RAD23B: variants seen among roughly 807,000 people sequenced by gnomAD.
The protein encoded by RAD23B is RAD23 nucleotide excision repair protein B.
In RAD23B, 5 loss-of-function variants were observed where a neutral mutation model predicts 49.1. The ratio of observed to expected loss-of-function variants is 0.10; its 90% confidence interval spans 0.05 to 0.21. The LOEUF (loss-of-function observed/expected upper bound fraction) is 0.21, where lower values mean the gene tolerates loss of function less well. Ranked by LOEUF, RAD23B falls within the 10% of genes least tolerant of loss-of-function variation. The pLI is 1.00. For missense variants in RAD23B, 356 were observed against 486.7 expected (o/e 0.73, Z 2.53); for synonymous variants, 184 against 165.4 (o/e 1.11, Z -0.86).
chr9:107,287,358 A>C (rs1186639103), intron 1 of RAD23B, among the ~76,000 whole-genome samples: 1 of 152,242 alleles, frequency 6.6e-6, no homozygotes, highest in Non-Finnish European at 1.5e-5. Flanking sequence ...ACTAAAAACA[A>C]AACTCAGTAA....
chr9:107,295,158 A>G (rs185517416), intron 1 of RAD23B, among the ~76,000 whole-genome samples: 2 of 152,136 alleles, frequency 1.3e-5, no homozygotes, highest in African/African-American at 4.8e-5. Context: ...TCAGCACAGT[A>G]TTGCTCTCTT....
chr9:107,289,206 A>G (rs1056834048), intron 1 of RAD23B, among the ~76,000 whole-genome samples: 1 of 148,626 alleles, frequency 6.7e-6, no homozygotes, highest in Non-Finnish European at 1.5e-5. Context: ...TCCTTTTTCA[A>G]CAAGGTCTTG....
intron 9 of RAD23B, among the ~76,000 whole-genome samples, 177 bp from the exon 10 acceptor site, chr9:107,329,366 A>G (rs1325727694): frequency 6.6e-6 from 1 of 152,218 alleles, no homozygotes; most frequent in East Asian, 1.9e-4. Context: ...GTTGGGCAGT[A>G]AATCCATATT....
In RAD23B at chr9:107,331,905, A is replaced by G. The variant is rs751163030; in HGVS notation, c.*2249A>G. ...AGGCTTTTTGTGCCTTTTGCTGTTA[A>G]TGTTTAATTTACAAACTGTTTTGGT... On this transcript the variant is annotated 3_prime_UTR_variant, in exon 10 of 10. Coordinates refer to ENST00000358015, the MANE Select transcript of RAD23B (RefSeq NM_002874.5). 7 of 485,694 alleles carry G rather than the reference A, an allele frequency of 1.4e-5. No homozygotes were observed. Among genetic ancestry groups the G allele is most frequent in the Non-Finnish European group, 2.6e-5 (7 of 273,618 alleles). 30.1% of individuals were successfully genotyped at this position (485,694 alleles called of 1,614,324 possible). A position where few individuals can be genotyped will look rare whatever the true frequency, so the allele number is the denominator to read the frequency against.
At chr9:107,312,084 A>G (rs1057445622) in intron 5 of RAD23B, among the ~76,000 whole-genome samples, 1 of 152,216 alleles carries the variant, frequency 6.6e-6, no homozygotes, top group Non-Finnish European at 1.5e-5. Flanking sequence ...GATCTGCCTC[A>G]CACTTCATGT....
At chr9:107,312,810 C>G (rs1366850405) in intron 5 of RAD23B, among the ~76,000 whole-genome samples, 1 of 151,970 alleles carries the variant, frequency 6.6e-6, no homozygotes, top group South Asian at 2.1e-4. Context: ...TCGGCTCCAG[C>G]TGGAGCCAGC....
intron 1 of RAD23B, among the ~76,000 whole-genome samples, chr9:107,299,231 TAAA>T: frequency 6.6e-6 from 1 of 152,336 alleles, no homozygotes; most frequent in South Asian, 2.1e-4. Context: ...CCTTTCTGTC[TAAA>T]ACTCAAGAGA....
At chr9:107,306,045 T>TTATA (rs1374828264) in intron 3 of RAD23B, among the ~76,000 whole-genome samples, 347 of 26,752 alleles carry the variant, frequency 0.013, 8 homozygotes, top group African/African-American at 0.042. Flanking sequence ...ATGATACGGT[T>TTATA]TATATCTATA....
rs200743418 is a variant in RAD23B, at chr9:107,325,048, C to T, written c.1116+44C>T. ...TTAAAAAAATTAGTTCTTGGCTGGG[C>T]TCATGCCTGTAATTCCAGCACTTTG... On this transcript the variant is annotated intron_variant, in intron 9 of 9. Transcript: ENST00000358015. 4.8e-5 allele frequency: 75 copies of T among 1,557,224 alleles called. No individual in the cohort carries two copies. In the East Asian group the frequency reaches 1.1e-3, roughly 23 times the overall value.
chr9:107,303,142 C>T (rs1476926476), intron 3 of RAD23B, among the ~76,000 whole-genome samples: 2 of 152,018 alleles, frequency 1.3e-5, no homozygotes, highest in East Asian at 1.9e-4. Context: ...AGAAGTGGTA[C>T]TCATGACATT....
At chr9:107,291,755 C>T (rs891841375) in intron 1 of RAD23B, among the ~76,000 whole-genome samples, 1 of 152,170 alleles carries the variant, frequency 6.6e-6, no homozygotes, top group Non-Finnish European at 1.5e-5. Flanking sequence ...AAAAGCATTA[C>T]CTGTAGTGTA....
rs773279590 is a variant in RAD23B at position 107,331,655 on chromosome 9, C to G, written c.*1999C>G. Reference sequence around the variant, plus strand: ...ATACTCTCATTTATTTTATGACATTCTCTGTCTACTCAGATCATAGTGAAA... The same window carrying G: ...ATACTCTCATTTATTTTATGACATTGTCTGTCTACTCAGATCATAGTGAAA... On this transcript the variant is annotated 3_prime_UTR_variant, in exon 10 of 10. Coordinates refer to ENST00000358015, the MANE Select transcript of RAD23B (RefSeq NM_002874.5). The G allele has an allele frequency of 1.2e-5, 9 of 769,618 alleles. No individual in the cohort carries two copies. The highest frequency in any genetic ancestry group is 1.7e-5 in the Non-Finnish European group (7 of 415,080). 47.7% of individuals were successfully genotyped at this position (769,618 alleles called of 1,614,324 possible). A position where few individuals can be genotyped will look rare whatever the true frequency, so the allele number is the denominator to read the frequency against.
At chr9:107,283,956 G>C (rs773464427) in intron 1 of RAD23B, 94 of 1,127,234 alleles carry the variant, frequency 8.3e-5, no homozygotes, top group Non-Finnish European at 9.9e-5. Flanking sequence ...ACGCCCGCGG[G>C]CCTGGGCCTA....
chr9:107,284,884 C>G (rs1046660583), intron 1 of RAD23B: 2 of 1,266,882 alleles, frequency 1.6e-6, no homozygotes, highest in African/African-American at 3.1e-5. Context: ...AGGGATAATA[C>G]CTGCCTTGCA....
At position 107,306,413 on chromosome 9, in the gene RAD23B, C is replaced by T; in HGVS notation, c.263C>T (p.Thr88Ile). 1 of 1,614,176 alleles carries T rather than the reference C, an allele frequency of 6.2e-7. No individual in the cohort carries two copies. The highest frequency in any genetic ancestry group is 8.5e-7 in the Non-Finnish European group (1 of 1,180,022). The change falls in exon 4 of 10, where the codon ACT (threonine) becomes ATT (isoleucine). Residue 88 changes from threonine (T) to isoleucine (I), a missense_variant. By Grantham distance (89) the Thr-to-Ile change is moderately conservative. This residue lies in a region of RAD23B where 137 missense variants were observed against 122.0 expected (regional missense o/e 1.12). Transcript: ENST00000358015. Reference sequence around the variant, plus strand: ...GTGTCCACACCAGCACCAGCTACAACTCAGCAGTCAGCTCCTGCCAGCACT... The same window carrying T: ...GTGTCCACACCAGCACCAGCTACAATTCAGCAGTCAGCTCCTGCCAGCACT... ...KAVSTPAPATTQQSAPASTTA... is the reference protein window; with the variant it reads ...KAVSTPAPATIQQSAPASTTA...
chr9:107,321,994 A>T lies in RAD23B; in HGVS notation c.693A>T (p.Gly231=). ...AVEYLLMGIP[G]DRESQAVVDP... ...AAATTCTATTACAGGGAATCCCTGG[A>T]GATAGAGAAAGTCAGGCTGTGGTTG... The change falls in exon 7 of 10, where the codon GGA becomes GGT. Residue 231 remains glycine (G), a synonymous_variant. Coordinates refer to ENST00000358015, the MANE Select transcript of RAD23B (RefSeq NM_002874.5). 1 of 1,610,100 alleles carries T rather than the reference A, an allele frequency of 6.2e-7. No homozygotes were observed. The highest frequency in any genetic ancestry group is 8.5e-7 in the Non-Finnish European group (1 of 1,178,516).
At chr9:107,313,287 A>G (rs1470812696) in intron 5 of RAD23B, among the ~76,000 whole-genome samples, 4 of 151,044 alleles carry the variant, frequency 2.6e-5, no homozygotes, top group Non-Finnish European at 5.9e-5. Context: ...GTGCAGTGGC[A>G]TGATCTCAGC....
intron 6 of RAD23B, among the ~76,000 whole-genome samples, chr9:107,319,130 T>TTC (rs1827057813): frequency 9.3e-5 from 4 of 43,066 alleles, no homozygotes; most frequent in South Asian, 9.7e-4. Context: ...TCTTTTTTCT[T>TTC]TTTTTTTTTT....
chr9:107,285,454 A>G (rs1587843701), intron 1 of RAD23B, among the ~76,000 whole-genome samples: 1 of 152,186 alleles, frequency 6.6e-6, no homozygotes, highest in Admixed American at 6.5e-5. Context: ...TTTGGTAAAT[A>G]TGTGTGGGTG....
Sources: allele counts gnomAD v4.1 joint callset (sites outside exome capture counted in the v4.1 genomes callset), GRCh38; gene constraint gnomAD v4.1.1; regional missense constraint gnomAD v4.1.1; transcripts MANE v1.5; gene names NCBI Gene and HGNC (gene_info 2026-07-23, HGNC 2026-07-21).